NPAS3: variants seen among roughly 807,000 people sequenced by gnomAD.
The protein encoded by NPAS3 is neuronal PAS domain-containing protein 3.
NPAS3 carries 14 observed loss-of-function variants against 73.1 expected under a neutral mutation model. The observed-to-expected ratio is 0.19, with a 90% CI of 0.13 to 0.30. The LOEUF (loss-of-function observed/expected upper bound fraction) is 0.30. NPAS3 is among the 10% of genes least tolerant of loss of function. The probability of loss-of-function intolerance (pLI) is 1.00; values close to 1 mark genes in which losing one functional copy is unlikely to be tolerated. For synonymous variants in NPAS3, 620 were observed against 541.5 expected (o/e 1.14, Z -2.01); for missense variants, 1,096 against 1,250.0 (o/e 0.88, Z 1.86).
intron 7 of NPAS3, among the ~76,000 whole-genome samples, chr14:33,770,112 A>C (rs2062605311): frequency 1.3e-5 from 2 of 152,146 alleles, no homozygotes; most frequent in South Asian, 4.2e-4. Context: ...GTGCCCCACC[A>C]CCTGAGATCC....
At chr14:33,704,197 A>G (rs971237086) in intron 6 of NPAS3, among the ~76,000 whole-genome samples, 1 of 152,242 alleles carries the variant, frequency 6.6e-6, no homozygotes, top group Non-Finnish European at 1.5e-5. Flanking sequence ...GAATGAAGTC[A>G]TGTGATAACA....
intron 3 of NPAS3, among the ~76,000 whole-genome samples, chr14:33,330,514 C>T (rs182154460): frequency 2.6e-4 from 40 of 152,158 alleles, no homozygotes; most frequent in African/African-American, 4.1e-4. Flanking sequence ...TTAATGATCT[C>T]GTTAGAGTTC....
At chr14:33,109,955 A>C (rs2042839150) in intron 2 of NPAS3, among the ~76,000 whole-genome samples, 1 of 151,346 alleles carries the variant, frequency 6.6e-6, no homozygotes, top group Non-Finnish European at 1.5e-5. Context: ...GGTGGATGCC[A>C]ATTTTAATAT....
At chr14:32,996,163 G>T (rs1212605798) in intron 1 of NPAS3, among the ~76,000 whole-genome samples, 1 of 152,202 alleles carries the variant, frequency 6.6e-6, no homozygotes, top group African/African-American at 2.4e-5. Flanking sequence ...CCCTGCCCTA[G>T]AGGTTTGTAA....
At chr14:33,083,972 A>G (rs371535312) in intron 2 of NPAS3, among the ~76,000 whole-genome samples, 3 of 152,326 alleles carry the variant, frequency 2.0e-5, no homozygotes, top group East Asian at 3.9e-4. Flanking sequence ...TAATGCAGGA[A>G]TGAAAGCCTC....
chr14:33,401,198 A>G (rs1212830527), intron 4 of NPAS3, among the ~76,000 whole-genome samples: 1 of 152,174 alleles, frequency 6.6e-6, no homozygotes, highest in Non-Finnish European at 1.5e-5. Flanking sequence ...GAAAGCTGAT[A>G]AGTCTGAAAA....
intron 3 of NPAS3, among the ~76,000 whole-genome samples, chr14:33,359,941 C>T (rs1378300031): frequency 6.6e-6 from 1 of 152,218 alleles, no homozygotes; most frequent in African/African-American, 2.4e-5. Context: ...TAAACAACAA[C>T]AGAAGCAGTT....
At chr14:33,341,123 A>G (rs558149782) in intron 3 of NPAS3, among the ~76,000 whole-genome samples, 1 of 152,368 alleles carries the variant, frequency 6.6e-6, no homozygotes, top group South Asian at 2.1e-4. Context: ...ACTTCCAATT[A>G]ATCTTTATAA....
At chr14:33,684,219 T>C (rs2060021877) in intron 6 of NPAS3, among the ~76,000 whole-genome samples, 1 of 95,148 alleles carries the variant, frequency 1.1e-5, no homozygotes, top group Non-Finnish European at 2.0e-5. Context: ...TATTTCATTG[T>C]GCTGTGGGTT....
intron 5 of NPAS3, among the ~76,000 whole-genome samples, chr14:33,633,108 A>C (rs1225432824): frequency 6.6e-6 from 1 of 152,222 alleles, no homozygotes; most frequent in African/African-American, 2.4e-5. Context: ...TTGAGTATTA[A>C]AAGTAACCTA....
chr14:33,433,868 A>G (rs1364749078), intron 4 of NPAS3, among the ~76,000 whole-genome samples: 1 of 152,216 alleles, frequency 6.6e-6, no homozygotes, highest in Non-Finnish European at 1.5e-5. Context: ...TTCAAAATGA[A>G]TATAAATGAT....
intron 1 of NPAS3, among the ~76,000 whole-genome samples, chr14:32,969,415 C>T (rs1438083421): frequency 6.6e-6 from 1 of 152,096 alleles, no homozygotes; most frequent in Non-Finnish European, 1.5e-5. Flanking sequence ...CTGATTGTCA[C>T]AAGAAGTATT....
chr14:32,938,482 AAAT>A (rs2035782178), upstream of NPAS3, among the ~76,000 whole-genome samples: 1 of 15,058 alleles, frequency 6.6e-5, no homozygotes, highest in Non-Finnish European at 1.6e-4. Context: ...AGAGAGAGAG[AAAT>A]TGAGAGAGAG....
At position 33,184,092 on chromosome 14, in the gene NPAS3, A is replaced by G. The variant is rs116023595; in HGVS notation, c.141-31090A>G. On this transcript the variant is annotated intron_variant, in intron 2 of 11. Coordinates refer to ENST00000356141, the Ensembl canonical transcript of NPAS3. ...AGTACCCTGAGCTATAGTTCCTGCCATCTGTGCCAGTTTATACCGTAGTCA... is the reference window on the plus strand; with the variant it reads ...AGTACCCTGAGCTATAGTTCCTGCCGTCTGTGCCAGTTTATACCGTAGTCA... 3.4e-3 allele frequency among the ~76,000 whole-genome samples: 513 copies of G among 152,308 alleles called. 1 individual carries two copies. The highest frequency in any genetic ancestry group is 0.012 in the African/African-American group (488 of 41,562).
chr14:33,583,467 G>T (rs2056754654), intron 5 of NPAS3: 1 of 151,962 alleles, frequency 6.6e-6, no homozygotes, highest in African/African-American at 2.4e-5. Context: ...TTTTAATAAA[G>T]GTATATCTTT....
chr14:33,261,257 A>T (rs1263726073), intron 3 of NPAS3, among the ~76,000 whole-genome samples: 1 of 151,910 alleles, frequency 6.6e-6, no homozygotes, highest in Non-Finnish European at 1.5e-5. Context: ...ATTTAATCAA[A>T]TGGAATATTT....
At chr14:33,597,026 A>G (rs2057262924) in intron 5 of NPAS3, among the ~76,000 whole-genome samples, 1 of 152,122 alleles carries the variant, frequency 6.6e-6, no homozygotes, top group African/African-American at 2.4e-5. Context: ...GTGGGACTGG[A>G]TTTCTGCAGA....
At chr14:33,099,141 G>T (rs2042510023) in intron 2 of NPAS3, among the ~76,000 whole-genome samples, 2 of 152,160 alleles carry the variant, frequency 1.3e-5, no homozygotes, top group Non-Finnish European at 2.9e-5. Context: ...GGAAAGCTCT[G>T]GACAATCCAC....
chr14:33,649,980 C>G (rs1393211059), intron 5 of NPAS3, among the ~76,000 whole-genome samples: 1 of 152,156 alleles, frequency 6.6e-6, no homozygotes, highest in Non-Finnish European at 1.5e-5. Flanking sequence ...AGCTTTCAGA[C>G]TTTAACAGGA....
Sources: gnomAD v4.1 joint callset for allele counts (sites outside exome capture counted in the v4.1 genomes callset) on GRCh38, gnomAD v4.1.1 for gene constraint, MANE v1.5 for transcripts, NCBI Gene and HGNC (gene_info 2026-07-23, HGNC 2026-07-21) for gene names.